RAD51B: variants seen among roughly 807,000 people sequenced by gnomAD.
RAD51B encodes the protein RAD51 paralog B, also known as DNA repair protein RAD51 homolog 2.
A neutral mutation model predicts 42.2 loss-of-function variants in RAD51B; 38 were observed. The ratio of observed to expected loss-of-function variants is 0.90; its 90% CI spans 0.70 to 1.18. The LOEUF (loss-of-function observed/expected upper bound fraction) is 1.18. RAD51B is among the 50% of genes most tolerant of loss of function. The probability of loss-of-function intolerance (pLI) is 0.00; values close to 1 mark genes in which losing one functional copy is unlikely to be tolerated. For missense variants in RAD51B, 373 were observed against 400.7 expected (o/e 0.93, Z 0.59); for synonymous variants, 154 against 145.2 (o/e 1.06, Z -0.43).
intron 7 of RAD51B, among the ~76,000 whole-genome samples, chr14:67,939,384 C>G (rs2045078280): frequency 6.6e-6 from 1 of 151,944 alleles, no homozygotes; most frequent in African/African-American, 2.4e-5. Flanking sequence ...CTTGCATAAA[C>G]TAGATAGTAT....
chr14:68,602,883 G>C (rs994601792), intron 10 of RAD51B, among the ~76,000 whole-genome samples: 2 of 152,130 alleles, frequency 1.3e-5, no homozygotes, highest in African/African-American at 2.4e-5. Context: ...TAAATCTCCT[G>C]AAACATTGCT....
chr14:68,235,417 A>C (rs2080228153), intron 7 of RAD51B, among the ~76,000 whole-genome samples: 1 of 151,980 alleles, frequency 6.6e-6, no homozygotes, highest in Non-Finnish European at 1.5e-5. Context: ...AAGAGCTGAG[A>C]TCTTCGGCCG....
intron 7 of RAD51B, among the ~76,000 whole-genome samples, chr14:67,954,064 T>C (rs1055016658): frequency 6.6e-6 from 1 of 152,166 alleles, no homozygotes; most frequent in Non-Finnish European, 1.5e-5. Context: ...GTGTGTGATC[T>C]TGTTTTACTC....
chr14:67,878,933 C>G (rs950433359), intron 5 of RAD51B, among the ~76,000 whole-genome samples: 2 of 152,148 alleles, frequency 1.3e-5, no homozygotes, highest in African/African-American at 2.4e-5. Flanking sequence ...AGGCTGGTCT[C>G]GAACTCCTGA....
intron 7 of RAD51B, among the ~76,000 whole-genome samples, chr14:68,062,910 C>T (rs945178814): frequency 4.0e-5 from 6 of 149,404 alleles, no homozygotes; most frequent in African/African-American, 1.5e-4. Flanking sequence ...ATTGCTGATT[C>T]AATTTTATTA....
chr14:68,540,124 C>T (rs1887875593), intron 10 of RAD51B: 1 of 959,500 alleles, frequency 1.0e-6, no homozygotes, highest in African/African-American at 1.7e-5. Flanking sequence ...TGCTCAGCCC[C>T]TTCCAAATGC....
At chr14:68,643,938 AG>A (rs1264370609) in intron 10 of RAD51B, among the ~76,000 whole-genome samples, 1 of 152,132 alleles carries the variant, frequency 6.6e-6, no homozygotes, top group African/African-American at 2.4e-5. Context: ...ATCATCTCTC[AG>A]ATTCCGCTTT....
chr14:67,871,199 TAAAG>T (rs2042517834), intron 5 of RAD51B, among the ~76,000 whole-genome samples: 1 of 150,480 alleles, frequency 6.6e-6, no homozygotes, highest in Non-Finnish European at 1.5e-5. Context: ...GCAAGACTAA[TAAAG>T]AAAAAAAGAG....
chr14:67,893,495 CACACACACACACACAAA>C (rs1318124137), intron 7 of RAD51B, among the ~76,000 whole-genome samples: 16 of 77,636 alleles, frequency 2.1e-4, no homozygotes, highest in African/African-American at 9.4e-4. Flanking sequence ...CACACACACA[CACACACACACACACAAA>C]AAAAAACAAT....
intron 10 of RAD51B, among the ~76,000 whole-genome samples, chr14:68,486,484 C>G (rs1486792224): frequency 6.6e-6 from 1 of 152,200 alleles, no homozygotes; most frequent in Non-Finnish European, 1.5e-5. Context: ...AAAGTTGATA[C>G]AAAGATGAGG....
intron 7 of RAD51B, among the ~76,000 whole-genome samples, chr14:67,919,393 CCCT>C (rs2140131062): frequency 6.6e-6 from 1 of 152,264 alleles, no homozygotes; most frequent in South Asian, 2.1e-4. Flanking sequence ...TTGCTGTCCT[CCCT>C]CCTCCCTTTC....
chr14:68,625,518 G>T (rs541749252), intron 10 of RAD51B, among the ~76,000 whole-genome samples: 1 of 152,184 alleles, frequency 6.6e-6, no homozygotes, highest in Non-Finnish European at 1.5e-5. Flanking sequence ...TGTTGCCCAG[G>T]CTGTAGTGCA....
intron 7 of RAD51B, among the ~76,000 whole-genome samples, chr14:68,067,967 A>T (rs1429048829): frequency 6.7e-6 from 1 of 149,436 alleles, no homozygotes; most frequent in East Asian, 2.0e-4. Context: ...AAAGAAGGAC[A>T]CTATGGAAAT....
At chr14:68,424,356 C>G (rs1424850450) in intron 9 of RAD51B, among the ~76,000 whole-genome samples, 1 of 152,198 alleles carries the variant, frequency 6.6e-6, no homozygotes, top group Non-Finnish European at 1.5e-5. Context: ...ACAAAACTCT[C>G]TAGCAGTACT....
exon 11 of RAD51B, chr14:68,595,287 G>A: frequency 1.9e-6 from 2 of 1,065,020 alleles, no homozygotes; most frequent in Non-Finnish European, 2.3e-6. Context: ...CTTGCTAAAG[G>A]CATTTCGCTT....
chr14:68,523,165 G>T (rs535454603), intron 10 of RAD51B, among the ~76,000 whole-genome samples: 6 of 152,332 alleles, frequency 3.9e-5, no homozygotes, highest in Admixed American at 3.9e-4. Flanking sequence ...AGGCTTGGTG[G>T]TAGAAGCTGG....
intron 7 of RAD51B, among the ~76,000 whole-genome samples, chr14:67,912,599 T>A (rs1434473715): frequency 6.6e-6 from 1 of 152,068 alleles, no homozygotes; most frequent in Non-Finnish European, 1.5e-5. Context: ...TGAAGTAAAT[T>A]GTAAAAGTAG....
chr14:67,879,015 T>C (rs1243742078), intron 5 of RAD51B, among the ~76,000 whole-genome samples: 4 of 152,206 alleles, frequency 2.6e-5, no homozygotes, highest in Non-Finnish European at 5.9e-5. Flanking sequence ...TGCCTGGCCA[T>C]TACATGTTAG....
chr14:68,099,428 C>T (rs1304739841), intron 7 of RAD51B, among the ~76,000 whole-genome samples: 2 of 152,168 alleles, frequency 1.3e-5, no homozygotes, highest in African/African-American at 4.8e-5. Context: ...TGAGTAAAAC[C>T]TTCTTAAATT....
Sources: gnomAD v4.1 joint callset for allele counts (sites outside exome capture counted in the v4.1 genomes callset) on GRCh38, gnomAD v4.1.1 for gene constraint, MANE v1.5 for transcripts, NCBI Gene and HGNC (gene_info 2026-07-23, HGNC 2026-07-21) for gene names.